The following CDK14 variants were observed in gnomAD, a reference collection of about 807,000 sequenced individuals.
CDK14 encodes cyclin-dependent kinase 14.
CDK14 carries 34 observed loss-of-function variants against 60.7 expected under a neutral mutation model. The observed-to-expected ratio is 0.56, with a 90% CI of 0.43 to 0.75. CDK14 has a LOEUF of 0.75. Ranked by LOEUF, CDK14 falls within the 30% of genes least tolerant of loss-of-function variation. The pLI, the probability that CDK14 is intolerant of heterozygous loss-of-function variation, is 0.00. For missense variants in CDK14, 482 were observed against 564.1 expected, an observed-to-expected ratio of 0.85 and a Z score of 1.47; for synonymous variants, 197 against 203.7, an observed-to-expected ratio of 0.97 and a Z score of 0.28.
chr7:90,606,089 A>C (rs181696944), intron 2 of CDK14, among the ~76,000 whole-genome samples: 85 of 152,360 alleles, frequency 5.6e-4, no homozygotes, highest in African/African-American at 2.0e-3. Flanking sequence ...AACTATCACA[A>C]ATCAGTAAAT....
At chr7:90,962,657 A>G (rs1175613533) in intron 9 of CDK14, among the ~76,000 whole-genome samples, 1 of 152,188 alleles carries the variant, frequency 6.6e-6, no homozygotes, top group Non-Finnish European at 1.5e-5. Context: ...ATTGTTCACT[A>G]CCAAATATTT....
At chr7:90,640,062 T>C (rs1263362630) in intron 2 of CDK14, among the ~76,000 whole-genome samples, 5 of 152,152 alleles carry the variant, frequency 3.3e-5, no homozygotes, top group African/African-American at 9.6e-5. Context: ...CCCTGACCCC[T>C]TGTGCTTCCC....
intron 14 of CDK14, among the ~76,000 whole-genome samples, chr7:91,197,488 G>A (rs1025343869): frequency 5.3e-5 from 8 of 151,976 alleles, no homozygotes; most frequent in Non-Finnish European, 1.0e-4. Flanking sequence ...AAGGTTGTGG[G>A]TTCTATCATG....
intron 9 of CDK14, among the ~76,000 whole-genome samples, chr7:90,973,755 G>A (rs971671516): frequency 1.3e-5 from 2 of 152,068 alleles, no homozygotes; most frequent in Admixed American, 1.3e-4. Context: ...AAAGGAGAGG[G>A]GGTGTACTTA....
chr7:90,949,266 G>A (rs1033225918), intron 8 of CDK14, among the ~76,000 whole-genome samples: 1 of 151,890 alleles, frequency 6.6e-6, no homozygotes, highest in Non-Finnish European at 1.5e-5. Context: ...GCAGTGATGC[G>A]ATCTCGGCTC....
chr7:91,207,734 G>T lies in CDK14; in HGVS notation c.*598G>T, dbSNP rs918752132. 4.6e-5 allele frequency: 7 copies of T among 152,602 alleles called. No homozygotes were observed. Among genetic ancestry groups the T allele is most frequent in the Non-Finnish European group, 1.0e-4 (7 of 68,036 alleles). The allele number at this position is 152,602 out of a possible 1,614,324, so 9.5% of individuals were successfully genotyped here. ...CTTTTGAGGTAATTTTGCAAATGTG[G>T]TTTTTTTACTTGGAAATAACTGCAC... On this transcript the variant is annotated 3_prime_UTR_variant, in exon 15 of 15. Transcript: ENST00000380050.
chr7:90,809,214 G>C (rs1483846933), intron 5 of CDK14, among the ~76,000 whole-genome samples: 2 of 152,068 alleles, frequency 1.3e-5, no homozygotes, highest in Admixed American at 6.6e-5. Context: ...TGACCACATA[G>C]TTGGAAGTAA....
intron 10 of CDK14, among the ~76,000 whole-genome samples, chr7:91,007,320 T>A (rs1386590217): frequency 6.6e-6 from 1 of 152,206 alleles, no homozygotes; most frequent in Non-Finnish European, 1.5e-5. Context: ...CAATCTTAGA[T>A]AATTTGCCGC....
chr7:90,698,476 A>G (rs1453593959), intron 2 of CDK14, among the ~76,000 whole-genome samples: 1 of 152,232 alleles, frequency 6.6e-6, no homozygotes, highest in Non-Finnish European at 1.5e-5. Flanking sequence ...CATAGATAAT[A>G]TGCATCATGG....
chr7:91,148,719 A>G (rs1046920508), intron 14 of CDK14, among the ~76,000 whole-genome samples: 4 of 152,160 alleles, frequency 2.6e-5, no homozygotes, highest in Non-Finnish European at 5.9e-5. Context: ...AAATCCTGAG[A>G]GGGGTGTATA....
At chr7:91,001,364 G>A (rs539303529) in intron 10 of CDK14, among the ~76,000 whole-genome samples, 43 of 152,286 alleles carry the variant, frequency 2.8e-4, no homozygotes, top group African/African-American at 9.9e-4. Context: ...CTGACTCTCA[G>A]AATACGTATC....
At chr7:90,911,109 A>G (rs1203573665) in intron 7 of CDK14, among the ~76,000 whole-genome samples, 2 of 152,184 alleles carry the variant, frequency 1.3e-5, no homozygotes, top group East Asian at 3.8e-4. Context: ...TCTGTGAAAT[A>G]GGGATAGTAA....
chr7:91,140,837 A>G (rs747602112), intron 14 of CDK14, among the ~76,000 whole-genome samples: 2 of 152,170 alleles, frequency 1.3e-5, no homozygotes, highest in Non-Finnish European at 2.9e-5. Flanking sequence ...TGAAGTCTGT[A>G]TAAATAAAAG....
At chr7:90,995,420 C>G (rs1795656765) in intron 10 of CDK14, among the ~76,000 whole-genome samples, 1 of 152,140 alleles carries the variant, frequency 6.6e-6, no homozygotes, top group South Asian at 2.1e-4. Flanking sequence ...CCAAAGGCAC[C>G]TAGCCAAGAT....
At chr7:90,710,456 ATC>A in intron 2 of CDK14, 2 of 984,080 alleles carry the variant, frequency 2.0e-6, no homozygotes, top group Non-Finnish European at 2.4e-6. Context: ...TAGAATAAAT[ATC>A]TCTAATATAT....
At chr7:90,599,655 G>A (rs1447425362) in intron 1 of CDK14, among the ~76,000 whole-genome samples, 1 of 152,152 alleles carries the variant, frequency 6.6e-6, no homozygotes, top group African/African-American at 2.4e-5. Context: ...TACTTCATGA[G>A]GAGATCGAAG....
intron 3 of CDK14, among the ~76,000 whole-genome samples, chr7:90,728,720 C>T (rs1802734237): frequency 6.6e-6 from 1 of 152,028 alleles, no homozygotes; most frequent in African/African-American, 2.4e-5. Flanking sequence ...CTATGTCATG[C>T]CTCTTGGAGA....
At chr7:90,764,030 A>G (rs1294051924) in intron 4 of CDK14, among the ~76,000 whole-genome samples, 1 of 152,162 alleles carries the variant, frequency 6.6e-6, no homozygotes, top group Non-Finnish European at 1.5e-5. Flanking sequence ...TTTGCCAAAA[A>G]CCGAAATTTG....
At chr7:90,884,027 C>G (rs1791859675) in intron 6 of CDK14, among the ~76,000 whole-genome samples, 1 of 152,120 alleles carries the variant, frequency 6.6e-6, no homozygotes, top group African/African-American at 2.4e-5. Context: ...AAAATTGGTA[C>G]AAGGCAAGGA....
Sources: gnomAD v4.1 joint callset for allele counts (sites outside exome capture counted in the v4.1 genomes callset) on GRCh38, gnomAD v4.1.1 for gene constraint, MANE v1.5 for transcripts, NCBI Gene and HGNC (gene_info 2026-07-23, HGNC 2026-07-21) for gene names.